The following CERS4 variants were observed in gnomAD, a reference collection of about 807,000 sequenced individuals.
CERS4 encodes the protein LAG1 homolog, ceramide synthase 4.
Under a neutral mutation model 51.8 loss-of-function variants are expected in CERS4, and 65 were observed. The ratio of observed to expected loss-of-function variants is 1.26; its 90% CI spans 1.03 to 1.54. The LOEUF is 1.54. Ranked by LOEUF, CERS4 falls within the 40% of genes most tolerant of loss-of-function variation. The probability of loss-of-function intolerance (pLI) is 0.00; values close to 1 mark genes in which losing one functional copy is unlikely to be tolerated. For synonymous variants in CERS4, 228 were observed against 208.4 expected, an observed-to-expected ratio of 1.09 and a Z score of -0.81; for missense variants, 563 against 500.4, an observed-to-expected ratio of 1.13 and a Z score of -1.19.
chr19:8,260,017 A>G (rs1230268737), intron 10 of CERS4, among the ~76,000 whole-genome samples: 1 of 151,814 alleles, frequency 6.6e-6, no homozygotes, highest in Non-Finnish European at 1.5e-5. Context: ...AGTGGCTGTG[A>G]GATGGGGAGA....
At chr19:8,252,211 G>C (rs955908337) in intron 3 of CERS4, among the ~76,000 whole-genome samples, 1 of 151,768 alleles carries the variant, frequency 6.6e-6, no homozygotes, top group Non-Finnish European at 1.5e-5. Flanking sequence ...TCTACTAAAA[G>C]TACAAAAAAT....
At chr19:8,261,419 GC>G (rs1201254475) in intron 10 of CERS4, 1 of 474,090 alleles carries the variant, frequency 2.1e-6, no homozygotes, top group Non-Finnish European at 3.8e-6. Context: ...ACCCAGGAAA[GC>G]AGCTGAGTTC....
intron 2 of CERS4, among the ~76,000 whole-genome samples, chr19:8,221,039 A>G (rs1967516389): frequency 6.7e-6 from 1 of 150,370 alleles, no homozygotes; most frequent in African/African-American, 2.5e-5. Flanking sequence ...GTTAGCCAGG[A>G]TGGTCTCGAT....
chr19:8,257,826 T>C lies in CERS4; in HGVS notation c.742-53T>C, dbSNP rs1599595824. ...TGGTCCCATCCTATAGCACCTTCTC[T>C]TTGAGACCAGGGCCCTGGTCCTGAG... is the stretch of plus-strand genomic sequence containing the variant. On this transcript the variant is annotated intron_variant, in intron 9 of 11. Coordinates refer to ENST00000251363, the MANE Select transcript of CERS4 (RefSeq NM_024552.3). 4.9e-6 allele frequency: 7 copies of C among 1,428,204 alleles called. No individual in the cohort carries two copies. The East Asian group carries it at 1.6e-4, about 32-fold the overall frequency. The allele number at this position is 1,428,204 out of a possible 1,614,324, so 88.5% of individuals were successfully genotyped here.
At chr19:8,261,606 G>T in intron 10 of CERS4, 82 bp from the exon 11 acceptor site, 1 of 1,525,140 alleles carries the variant, frequency 6.6e-7, no homozygotes, top group Non-Finnish European at 9.0e-7. Flanking sequence ...AGCAGGGAAG[G>T]CCATGCCAGT....
chr19:8,253,102 A>G (rs1969172187), intron 3 of CERS4, among the ~76,000 whole-genome samples: 3 of 152,202 alleles, frequency 2.0e-5, no homozygotes, highest in Non-Finnish European at 2.9e-5. Context: ...TGAGCCTTTC[A>G]CCAAATGAGG....
chr19:8,209,525 C>T (rs1967000018), intron 1 of CERS4, 31 bp downstream of exon 1: 1 of 152,056 alleles, frequency 6.6e-6, no homozygotes, highest in Admixed American at 6.6e-5. Context: ...GCGAACACCG[C>T]CCCGAACGCC....
At chr19:8,214,373 G>T (rs542956903) in intron 2 of CERS4, 1 of 152,602 alleles carries the variant, frequency 6.6e-6, no homozygotes, top group East Asian at 1.9e-4. Flanking sequence ...CAGGGAGAAG[G>T]TGATGGGGAC....
chr19:8,231,850 C>CTTTTTTTTTTTTTTT (rs1568509577), intron 2 of CERS4, among the ~76,000 whole-genome samples: 2 of 71,256 alleles, frequency 2.8e-5, no homozygotes, highest in African/African-American at 1.2e-4. Flanking sequence ...CTGTGCCCAG[C>CTTTTTTTTTTTTTTT]ATTTTTTTTT....
intron 2 of CERS4, among the ~76,000 whole-genome samples, chr19:8,220,914 T>C (rs763852140): frequency 1.9e-4 from 29 of 151,462 alleles, no homozygotes; most frequent in Non-Finnish European, 3.5e-4. Context: ...CTCTGCCTCC[T>C]GGGTTCATGC....
chr19:8,233,251 C>T (rs1968094892), intron 2 of CERS4, among the ~76,000 whole-genome samples: 1 of 151,748 alleles, frequency 6.6e-6, no homozygotes, highest in Admixed American at 6.6e-5. Context: ...CTGCAACTTC[C>T]GCCTCCCAGG....
Position 8,261,844 on chromosome 19 carries a change from G to C in CERS4, c.1005G>C (p.Gln335His). Residue 335 changes from glutamine to histidine, a missense_variant and splice_region_variant, in exon 11 of 12, where the codon CAG (glutamine) becomes CAC (histidine). By Grantham distance (24) the Gln-to-His change is conservative. Transcript: ENST00000251363. The stretch of plus-strand genomic sequence containing the variant: ...TCTATAGCTTCATGAAGAAGGGCCA[G>C]GTATGGCTGGACCTCCCCGGGGGCC... ...RMLYSFMKKG[Q>H]MEKDIRSDVE... is the part of the protein sequence containing the mutation. The C allele has an allele frequency of 6.2e-7, 1 of 1,614,152 alleles. No individual in the cohort carries two copies. Among genetic ancestry groups the C allele is most frequent in the African/African-American group, 1.3e-5 (1 of 75,040 alleles).
At chr19:8,240,677 G>A (rs1020997577) in intron 2 of CERS4, 6 of 151,906 alleles carry the variant, frequency 3.9e-5, no homozygotes, top group African/African-American at 1.5e-4. Context: ...CACAACCATG[G>A]ACAAGTCCTG....
chr19:8,260,171 T>C (rs1969604717), intron 10 of CERS4, among the ~76,000 whole-genome samples: 1 of 151,606 alleles, frequency 6.6e-6, no homozygotes, highest in Admixed American at 6.6e-5. Flanking sequence ...TACAGCTGAT[T>C]GGGGGGTAGG....
chr19:8,247,204 C>G (rs190234986), intron 2 of CERS4, among the ~76,000 whole-genome samples: 1 of 152,060 alleles, frequency 6.6e-6, no homozygotes, highest in Non-Finnish European at 1.5e-5. Context: ...TTCCCTGCGG[C>G]CCCCATGCCT....
chr19:8,218,751 C>T (rs1165090527), intron 2 of CERS4, among the ~76,000 whole-genome samples: 1 of 152,204 alleles, frequency 6.6e-6, no homozygotes, highest in African/African-American at 2.4e-5. Context: ...CCTCCAGTTA[C>T]ACAAACACCT....
At chr19:8,213,630 T>TC (rs1967168495) in intron 2 of CERS4, among the ~76,000 whole-genome samples, 1 of 152,038 alleles carries the variant, frequency 6.6e-6, no homozygotes, top group Non-Finnish European at 1.5e-5. Flanking sequence ...TTCTTTGCCA[T>TC]CCTTGAATAG....
At chr19:8,253,976 C>T (rs570700502) in intron 3 of CERS4, among the ~76,000 whole-genome samples, 48 of 152,090 alleles carry the variant, frequency 3.2e-4, no homozygotes, top group Non-Finnish European at 6.0e-4. Flanking sequence ...TCCTGCCCCA[C>T]GAGCCTTTCT....
intron 2 of CERS4, among the ~76,000 whole-genome samples, chr19:8,222,555 A>G (rs1024239680): frequency 1.4e-5 from 2 of 147,448 alleles, no homozygotes; most frequent in South Asian, 2.2e-4. Flanking sequence ...CTAGAGTACA[A>G]TGGTGTGATC....
Sources: allele counts gnomAD v4.1 joint callset (sites outside exome capture counted in the v4.1 genomes callset), GRCh38; gene constraint gnomAD v4.1.1; transcripts MANE v1.5; gene names NCBI Gene and HGNC (gene_info 2026-07-23, HGNC 2026-07-21).